Variants in LUZP2 observed in about 807,000 individuals in gnomAD.
LUZP2 encodes leucine zipper protein 2.
A neutral mutation model predicts 51.6 loss-of-function variants in LUZP2; 52 were observed. The observed-to-expected ratio is 1.01, with a 90% CI of 0.81 to 1.27. LUZP2 has a LOEUF of 1.27. Ranked by LOEUF, LUZP2 falls within the 50% of genes most tolerant of loss-of-function variation. The pLI is 0.00. For missense variants in LUZP2, 436 were observed against 395.4 expected, an observed-to-expected ratio of 1.10 and a Z score of -0.87; for synonymous variants, 154 against 137.3, an observed-to-expected ratio of 1.12 and a Z score of -0.85.
In LUZP2 at chr11:24,972,139, G is replaced by GAAAAAAAAAAAAAAAAAAAAAAAA. The variant is rs10701148; in HGVS notation, c.523-4429_523-4428insAAAAAAAAAAAAAAAAAAAAAAAA. Among the ~76,000 whole-genome samples the GAAAAAAAAAAAAAAAAAAAAAAAA allele has an allele frequency of 1.2e-4, 4 of 32,794 alleles. 2 individuals carry two copies. The highest frequency in any genetic ancestry group is 2.5e-4 in the African/African-American group (2 of 8,122). The allele number at this position is 32,794 out of a possible 152,430, so 21.5% of individuals were successfully genotyped here. On this transcript the variant is annotated intron_variant, in intron 7 of 11. Transcript: ENST00000336930. ...CTGGGTGACAGCGGAGTGAGACTCC[G>GAAAAAAAAAAAAAAAAAAAAAAAA]AAAAAAAAAAAAAAAAAAAAAAACA...
chr11:24,690,216 T>G (rs1304970271), intron 1 of LUZP2, among the ~76,000 whole-genome samples: 1 of 152,092 alleles, frequency 6.6e-6, no homozygotes, highest in Non-Finnish European at 1.5e-5. Context: ...AAATGTCAGA[T>G]ACCTCAAACT....
intron 9 of LUZP2, among the ~76,000 whole-genome samples, chr11:25,004,211 C>T (rs1856772036): frequency 6.6e-6 from 1 of 152,172 alleles, no homozygotes; most frequent in Admixed American, 6.5e-5. Context: ...GGCAGTGCAC[C>T]TTCCAGTGAT....
chr11:24,549,516 A>G (rs1261475728), intron 1 of LUZP2, among the ~76,000 whole-genome samples: 1 of 152,130 alleles, frequency 6.6e-6, no homozygotes, highest in Non-Finnish European at 1.5e-5. Flanking sequence ...AACTAGTAGC[A>G]TAGTCGTTTA....
At chr11:24,730,630 C>T (rs1382432371) in intron 2 of LUZP2, among the ~76,000 whole-genome samples, 5 of 151,726 alleles carry the variant, frequency 3.3e-5, no homozygotes, top group Admixed American at 1.3e-4. Context: ...ACAAAGAAAC[C>T]TGTACCTTCT....
intron 10 of LUZP2, among the ~76,000 whole-genome samples, chr11:25,059,558 C>G (rs1441363511): frequency 6.6e-6 from 1 of 152,064 alleles, no homozygotes; most frequent in Non-Finnish European, 1.5e-5. Context: ...TAATGAAAAC[C>G]TTCTGAAGCA....
chr11:25,002,029 G>A (rs926638737), intron 9 of LUZP2, among the ~76,000 whole-genome samples: 4 of 152,210 alleles, frequency 2.6e-5, no homozygotes, highest in Non-Finnish European at 5.9e-5. Flanking sequence ...ATTTAATGGG[G>A]GTTCCCCCAG....
chr11:24,837,615 T>C (rs1475854600), intron 5 of LUZP2, among the ~76,000 whole-genome samples: 1 of 151,718 alleles, frequency 6.6e-6, no homozygotes, highest in Non-Finnish European at 1.5e-5. Flanking sequence ...GTGGTTTCTT[T>C]CACATTGGAT....
chr11:24,751,133 G>T (rs921552261), intron 4 of LUZP2, among the ~76,000 whole-genome samples: 9 of 152,000 alleles, frequency 5.9e-5, no homozygotes, highest in Non-Finnish European at 1.3e-4. Context: ...TTACTACCAA[G>T]ATGAGAAACT....
intron 9 of LUZP2, among the ~76,000 whole-genome samples, chr11:25,002,622 C>T (rs1856718344): frequency 6.6e-6 from 1 of 152,184 alleles, no homozygotes. Context: ...ACCGCAACTA[C>T]CTGCAAACAG....
intron 10 of LUZP2, among the ~76,000 whole-genome samples, chr11:25,076,931 C>T (rs769402226): frequency 1.3e-5 from 2 of 152,046 alleles, no homozygotes; most frequent in African/African-American, 2.4e-5. Context: ...ACTTACATTG[C>T]TTCCTAGCTT....
intron 1 of LUZP2, among the ~76,000 whole-genome samples, chr11:24,523,848 T>A (rs1850719441): frequency 6.6e-6 from 1 of 151,738 alleles, no homozygotes; most frequent in Admixed American, 6.6e-5. Flanking sequence ...CAATGAAACC[T>A]TAGATAAAAA....
At chr11:24,630,481 C>T (rs1450111217) in intron 1 of LUZP2, among the ~76,000 whole-genome samples, 2 of 151,938 alleles carry the variant, frequency 1.3e-5, no homozygotes, top group African/African-American at 4.8e-5. Flanking sequence ...TGGACCTTGT[C>T]AAAGATTAGT....
At chr11:25,018,037 G>T (rs57546157) in intron 9 of LUZP2, among the ~76,000 whole-genome samples, 2 of 131,080 alleles carry the variant, frequency 1.5e-5, no homozygotes, top group Non-Finnish European at 3.2e-5. Flanking sequence ...TTTTGTTTCT[G>T]TTTTTTTTTT....
intron 7 of LUZP2, among the ~76,000 whole-genome samples, chr11:24,960,736 CT>C (rs1203827542): frequency 6.6e-6 from 1 of 152,100 alleles, no homozygotes; most frequent in Non-Finnish European, 1.5e-5. Flanking sequence ...TCCTTTGTGT[CT>C]CTATTTCCTT....
At chr11:24,806,596 A>G (rs553174166) in intron 5 of LUZP2, among the ~76,000 whole-genome samples, 1 of 152,320 alleles carries the variant, frequency 6.6e-6, no homozygotes, top group East Asian at 1.9e-4. Flanking sequence ...ACAAAGAAAA[A>G]GGAGATTGGG....
intron 5 of LUZP2, among the ~76,000 whole-genome samples, chr11:24,827,006 T>C (rs1405133318): frequency 2.0e-5 from 3 of 152,128 alleles, no homozygotes; most frequent in Non-Finnish European, 2.9e-5. Context: ...TTCAATAAAA[T>C]TATAATGTCA....
At position 24,497,286 on chromosome 11, in the gene LUZP2, G is replaced by A; in HGVS notation, c.43G>A (p.Ala15Thr). 1 of 1,566,992 alleles carries A rather than the reference G, an allele frequency of 6.4e-7. No homozygotes were observed. Among genetic ancestry groups the A allele is most frequent in the Non-Finnish European group, 8.7e-7 (1 of 1,155,264 alleles). ...GCACTACCTGCTGCCTCTCCTGCCT[G>A]CGCTGGTCCTCAGCACCAGGTGAGT... Reference protein sequence around the residue: ...PAHYLLPLLPALVLSTRQDYE... With the variant: ...PAHYLLPLLPTLVLSTRQDYE... The change falls in exon 1 of 12, where the codon GCG becomes ACG. Residue 15 changes from alanine to threonine, a missense_variant. Physicochemically the swap from Ala to Thr is moderately conservative, Grantham distance 58. Coordinates refer to ENST00000336930, the MANE Select transcript of LUZP2 (RefSeq NM_001009909.4).
chr11:24,511,987 A>T (rs1850325159), intron 1 of LUZP2, among the ~76,000 whole-genome samples: 1 of 152,200 alleles, frequency 6.6e-6, no homozygotes, highest in Non-Finnish European at 1.5e-5. Context: ...ATTTTCCAAA[A>T]TTCTCTTCCT....
At chr11:24,690,250 C>T (rs1213912909) in intron 1 of LUZP2, among the ~76,000 whole-genome samples, 3 of 151,972 alleles carry the variant, frequency 2.0e-5, no homozygotes, top group African/African-American at 7.2e-5. Flanking sequence ...TAAAAAGTCT[C>T]TTTTCCAAGG....
Sources: gnomAD v4.1 joint callset for allele counts (sites outside exome capture counted in the v4.1 genomes callset) on GRCh38, gnomAD v4.1.1 for gene constraint, MANE v1.5 for transcripts, NCBI Gene and HGNC (gene_info 2026-07-23, HGNC 2026-07-21) for gene names.